SMC6: variants seen among roughly 807,000 people sequenced by gnomAD.
SMC6 encodes structural maintenance of chromosomes 6.
In SMC6, 79 loss-of-function variants were observed where a neutral mutation model predicts 142.2. The ratio of observed to expected loss-of-function variants is 0.56; its 90% CI spans 0.46 to 0.67. The LOEUF (loss-of-function observed/expected upper bound fraction) is 0.67. SMC6 is among the 30% of genes least tolerant of loss of function. The probability of loss-of-function intolerance (pLI) is 0.00; values close to 1 mark genes in which losing one functional copy is unlikely to be tolerated. For missense variants in SMC6, 1,072 were observed against 1,284.0 expected (o/e 0.83, Z 2.52); for synonymous variants, 411 against 412.4 (o/e 1.00, Z 0.04).
At chr2:17,702,185 T>C (rs1327715393) in intron 19 of SMC6, among the ~76,000 whole-genome samples, 2 of 152,128 alleles carry the variant, frequency 1.3e-5, no homozygotes, top group Admixed American at 1.3e-4. Context: ...CGAGAAAAAT[T>C]TTTCTGAAAC....
intron 24 of SMC6, 105 bp downstream of exon 24, chr2:17,683,533 A>G: frequency 9.6e-7 from 1 of 1,046,356 alleles, no homozygotes; most frequent in Non-Finnish European, 1.4e-6. Context: ...CTGAATAACA[A>G]AGCAAGCATT....
intron 11 of SMC6, among the ~76,000 whole-genome samples, chr2:17,719,763 A>G (rs1453056981): frequency 6.6e-6 from 1 of 152,210 alleles, no homozygotes; most frequent in Non-Finnish European, 1.5e-5. Context: ...AAGAGGGAGT[A>G]AGAAACTTAG....
intron 16 of SMC6, among the ~76,000 whole-genome samples, chr2:17,710,129 A>T (rs1050185203): frequency 6.6e-6 from 1 of 152,220 alleles, no homozygotes; most frequent in African/African-American, 2.4e-5. Flanking sequence ...AACCAGAAGC[A>T]GGGAGATCAG....
In SMC6 at chr2:17,716,793, C is replaced by T. The variant is rs770335677; in HGVS notation, c.1294G>A (p.Glu432Lys). 5 of 1,613,478 alleles carry T rather than the reference C, an allele frequency of 3.1e-6. No individual in the cohort carries two copies. The African/African-American group carries it at 4.0e-5, about 13-fold the overall frequency. ...NQENSVNQEI[E>K]QFQQAIEKDK... ...TTTTCTATGGCTTGCTGAAACTGTT[C>T]GATCTCTTGATTGACTGAATTTTCT... Residue 432 changes from glutamate to lysine, a missense_variant, in exon 14 of 28, where the codon GAA (glutamate) becomes AAA (lysine). Transcript: ENST00000448223.
At chr2:17,670,781 G>C (rs1256974027) in intron 25 of SMC6, among the ~76,000 whole-genome samples, 1 of 152,194 alleles carries the variant, frequency 6.6e-6, no homozygotes, top group Non-Finnish European at 1.5e-5. Context: ...TCTACTGCAA[G>C]AGAATAAAAC....
At chr2:17,726,906 T>G (rs1171639505) in intron 7 of SMC6, among the ~76,000 whole-genome samples, 1 of 152,240 alleles carries the variant, frequency 6.6e-6, no homozygotes, top group African/African-American at 2.4e-5. Flanking sequence ...ACTTCCTATG[T>G]AGCCTTGGAT....
intron 24 of SMC6, 31 bp downstream of exon 24, chr2:17,683,607 A>T: frequency 6.4e-7 from 1 of 1,551,940 alleles, no homozygotes; most frequent in South Asian, 1.2e-5. Context: ...AAAAATGTAT[A>T]ATATATAGTA....
intron 2 of SMC6, among the ~76,000 whole-genome samples, chr2:17,750,629 A>G (rs746694523): frequency 1.2e-4 from 19 of 152,218 alleles, no homozygotes; most frequent in Non-Finnish European, 2.8e-4. Flanking sequence ...GAAGTTTGAC[A>G]GTTAATTATT....
intron 16 of SMC6, among the ~76,000 whole-genome samples, chr2:17,713,784 C>T (rs1212930731): frequency 2.0e-5 from 3 of 152,170 alleles, no homozygotes; most frequent in Non-Finnish European, 4.4e-5. Context: ...TGCAGAATAA[C>T]TCCCAATGTC....
In SMC6 at chr2:17,670,444, C is replaced by T; in HGVS notation, c.3042G>A (p.Leu1014=). 6.2e-7 allele frequency: 1 copy of T among 1,613,230 alleles called. No individual in the cohort carries two copies. The highest frequency in any genetic ancestry group is 1.1e-5 in the South Asian group (1 of 90,984). Residue 1014 remains leucine (L), a synonymous_variant, in exon 26 of 28, where the codon CTG becomes CTA. Coordinates refer to ENST00000448223, the MANE Select transcript of SMC6 (RefSeq NM_001142286.2). The part of the protein sequence containing the change: ...WSIAESPFRC[L]DEFDVYMDMV... The stretch of plus-strand genomic sequence containing the variant: ...ATACCATGTAGACATCAAATTCATC[C>T]AGGCATCTGAAAGGAGATTCTGCGA...
chr2:17,678,931 G>C lies in SMC6; in HGVS notation c.2838C>G (p.Asp946Glu), dbSNP rs767998823. The C allele has an allele frequency of 3.1e-6, 5 of 1,611,772 alleles. No individual in the cohort carries two copies. The highest frequency in any genetic ancestry group is 4.2e-6 in the Non-Finnish European group (5 of 1,179,062). ...AATAGGCCCGCTGAGATAGTAAGTT[G>C]TCAAAGTATAATTTGCATCGTAAAG... Reference protein sequence around the residue: ...CLTLRCKLYFDNLLSQRAYCG... With the variant: ...CLTLRCKLYFENLLSQRAYCG... Residue 946 changes from aspartate (D) to glutamate (E), a missense_variant, in exon 25 of 28, where the codon GAC becomes GAG. Physicochemically the swap from Asp to Glu is conservative, Grantham distance 45 (BLOSUM62 2). Coordinates refer to ENST00000448223, the MANE Select transcript of SMC6 (RefSeq NM_001142286.2).
chr2:17,692,052 AAG>A (rs936364819), intron 23 of SMC6, among the ~76,000 whole-genome samples: 1 of 152,196 alleles, frequency 6.6e-6, no homozygotes, highest in African/African-American at 2.4e-5. Flanking sequence ...AATGAAATAA[AAG>A]AGGATACAAA....
At chr2:17,730,208 C>A (rs1669838553) in intron 7 of SMC6, among the ~76,000 whole-genome samples, 1 of 152,100 alleles carries the variant, frequency 6.6e-6, no homozygotes, top group Non-Finnish European at 1.5e-5. Flanking sequence ...AAAGGTAATT[C>A]TTGTGTAAAT....
intron 7 of SMC6, among the ~76,000 whole-genome samples, chr2:17,729,174 A>T (rs1368808211): frequency 6.6e-6 from 1 of 152,236 alleles, no homozygotes. Flanking sequence ...AATCAATATA[A>T]AAAACTAAGT....
rs377163344 is a variant in SMC6 at position 17,731,134 on chromosome 2, C to A, written c.487G>T (p.Val163Leu). 1 of 1,610,222 alleles carries A rather than the reference C, an allele frequency of 6.2e-7. No homozygotes were observed. The highest frequency in any genetic ancestry group is 1.1e-5 in the South Asian group (1 of 90,738). Reference sequence around the variant, plus strand: ...AGCTCTTCTTTCCTCGTGGAAACCACGGAGCCTAGTTATAAGAAACATATG... The same window carrying A: ...AGCTCTTCTTTCCTCGTGGAAACCAAGGAGCCTAGTTATAAGAAACATATG... ...SYKLKSATGSVVSTRKEELIA... is the reference protein window; with the variant it reads ...SYKLKSATGSLVSTRKEELIA... Residue 163 changes from valine (V) to leucine (L), a missense_variant, in exon 7 of 28, where the codon GTG (valine) becomes TTG (leucine). Val to Leu is a conservative substitution (Grantham distance 32, BLOSUM62 1). Transcript: ENST00000448223.
intron 2 of SMC6, among the ~76,000 whole-genome samples, chr2:17,752,091 T>C (rs1193083113): frequency 6.6e-6 from 1 of 152,202 alleles, no homozygotes; most frequent in Non-Finnish European, 1.5e-5. Context: ...TAACTTTCTC[T>C]TCCTCTCTGT....
rs998215514 is a variant in SMC6 at position 17,711,119 on chromosome 2, T to C, written c.1731-2366A>G. On this transcript the variant is annotated intron_variant, in intron 16 of 27. Coordinates refer to ENST00000448223, the MANE Select transcript of SMC6 (RefSeq NM_001142286.2). Reference sequence around the variant, plus strand: ...CTGTTGAGAGCACAGGTTTTGACACTAGGAAGGAGTCACCATTTTCGGGCA... The same window carrying C: ...CTGTTGAGAGCACAGGTTTTGACACCAGGAAGGAGTCACCATTTTCGGGCA... Among the ~76,000 whole-genome samples, 3 of 152,186 alleles carry C rather than the reference T, an allele frequency of 2.0e-5. No homozygotes were observed. In the Middle Eastern group the frequency reaches 0.01, roughly 518 times the overall value.
intron 4 of SMC6, among the ~76,000 whole-genome samples, chr2:17,740,017 C>T (rs2125068501): frequency 6.6e-6 from 1 of 152,150 alleles, no homozygotes; most frequent in Middle Eastern, 3.4e-3. Context: ...CACAAAGTAA[C>T]TAACGCACAC....
chr2:17,674,586 T>A (rs1450133595), intron 25 of SMC6, among the ~76,000 whole-genome samples: 1 of 152,192 alleles, frequency 6.6e-6, no homozygotes, highest in Admixed American at 6.5e-5. Flanking sequence ...TATATTGCCT[T>A]ACTGACTTTT....
Sources: gnomAD v4.1 joint callset for allele counts (sites outside exome capture counted in the v4.1 genomes callset) on GRCh38, gnomAD v4.1.1 for gene constraint, MANE v1.5 for transcripts, NCBI Gene and HGNC (gene_info 2026-07-23, HGNC 2026-07-21) for gene names.